GSTA5: variants seen among roughly 807,000 people sequenced by gnomAD.
GSTA5 encodes the protein glutathione S-transferase A5.
GSTA5 carries 25 observed loss-of-function variants against 21.8 expected under a neutral mutation model. The observed-to-expected ratio is 1.14, with a 90% confidence interval of 0.83 to 1.60. The LOEUF is 1.60. GSTA5 is among the 40% of genes most tolerant of loss of function. The pLI, the probability that GSTA5 is intolerant of heterozygous loss-of-function variation, is 0.00. For synonymous variants in GSTA5, 102 were observed against 89.5 expected (o/e 1.14, Z -0.78); for missense variants, 330 against 259.2 (o/e 1.27, Z -1.88).
chr6:52,840,956 T>C, upstream of GSTA5: 1 of 696,438 alleles, frequency 1.4e-6, no homozygotes, highest in South Asian at 2.1e-5. Context: ...ATGACTGGGT[T>C]GAAGGAGTTC....
intron 1 of GSTA5, among the ~76,000 whole-genome samples, chr6:52,839,274 C>G (rs191183985): frequency 2.0e-5 from 3 of 152,204 alleles, no homozygotes; most frequent in Admixed American, 6.5e-5. Flanking sequence ...CGCCTTCAGT[C>G]AGGCTGGATG....
At chr6:52,831,881 A>T in exon 6 of GSTA5, 1 of 1,614,062 alleles carries the variant, frequency 6.2e-7, no homozygotes, top group Non-Finnish European at 8.5e-7. Context: ...CTTCTTCTAA[A>T]GATTTCTCAT....
At chr6:52,836,018 T>C (rs1764287000) in intron 3 of GSTA5, among the ~76,000 whole-genome samples, 1 of 152,224 alleles carries the variant, frequency 6.6e-6, no homozygotes, top group South Asian at 2.1e-4. Flanking sequence ...GCAGGATCCA[T>C]GGACTGCATC....
At chr6:52,841,705 T>G (rs1764379265), upstream of GSTA5, among the ~76,000 whole-genome samples, 1 of 152,250 alleles carries the variant, frequency 6.6e-6, no homozygotes, top group African/African-American at 2.4e-5. Context: ...TCTTCTAAAC[T>G]TCTCTCATTT....
At chr6:52,833,439 G>A (rs1209059093) in intron 4 of GSTA5, among the ~76,000 whole-genome samples, 2 of 152,126 alleles carry the variant, frequency 1.3e-5, no homozygotes, top group African/African-American at 4.8e-5. Flanking sequence ...CTATTTCAGA[G>A]TCCTCATTTG....
exon 6 of GSTA5, chr6:52,831,951 C>T (rs754307601): frequency 6.2e-7 from 1 of 1,613,354 alleles, no homozygotes; most frequent in South Asian, 1.1e-5. Context: ...GGGCAGGTTG[C>T]TGATTCTGGT....
chr6:52,843,265 C>G (rs1305283385), upstream of GSTA5, among the ~76,000 whole-genome samples: 4 of 152,046 alleles, frequency 2.6e-5, no homozygotes, highest in African/African-American at 9.7e-5. Flanking sequence ...GGGTATATAC[C>G]CAGTAATGGG....
intron 4 of GSTA5, among the ~76,000 whole-genome samples, chr6:52,833,287 T>A (rs71548667): frequency 2.0e-5 from 3 of 152,054 alleles, no homozygotes; most frequent in Admixed American, 6.5e-5. Flanking sequence ...AGCACCTGCC[T>A]CCATGTGTTC....
At chr6:52,837,484 T>G in intron 2 of GSTA5, 74 bp downstream of exon 2, 1 of 951,516 alleles carries the variant, frequency 1.1e-6, no homozygotes, top group Non-Finnish European at 1.7e-6. Flanking sequence ...CACATAGGTA[T>G]TCCTGGCTGC....
chr6:52,833,159 C>A (rs568790486), intron 4 of GSTA5, among the ~76,000 whole-genome samples, 169 bp from the exon 5 acceptor site: 4 of 152,184 alleles, frequency 2.6e-5, no homozygotes, highest in Non-Finnish European at 4.4e-5. Flanking sequence ...AGAGTAAGAA[C>A]TATAACTCTG....
intron 4 of GSTA5, among the ~76,000 whole-genome samples, chr6:52,833,570 A>G (rs1764247630): frequency 6.6e-6 from 1 of 152,212 alleles, no homozygotes; most frequent in African/African-American, 2.4e-5. Context: ...GCACTCTGTT[A>G]TAATTTGCAA....
At chr6:52,843,780 A>G (rs1439705751), upstream of GSTA5, among the ~76,000 whole-genome samples, 1 of 152,236 alleles carries the variant, frequency 6.6e-6, no homozygotes, top group Non-Finnish European at 1.5e-5. Context: ...GTTATGGACT[A>G]GAGTTCACAG....
chr6:52,842,759 CT>C (rs936397531), upstream of GSTA5, among the ~76,000 whole-genome samples: 3 of 151,962 alleles, frequency 2.0e-5, no homozygotes, highest in African/African-American at 2.4e-5. Context: ...ACATCAAAAT[CT>C]TTTTTTTATA....
At chr6:52,832,382 T>C (rs943981531) in intron 5 of GSTA5, among the ~76,000 whole-genome samples, 4 of 152,154 alleles carry the variant, frequency 2.6e-5, no homozygotes, top group African/African-American at 9.7e-5. Flanking sequence ...GGACCACCTT[T>C]TCTCAGTGAC....
Position 52,838,269 on chromosome 6 carries a change from A to G in GSTA5, c.88-660T>C, listed in dbSNP as rs568397172. The stretch of plus-strand genomic sequence containing the variant: ...GATGTGGTTTTGTGGGTTCAATATC[A>G]CCATTTTCATGTACTGTCTTCTTGA... On this transcript the variant is annotated intron_variant, in intron 1 of 5. Coordinates refer to ENST00000370989, the Ensembl canonical transcript of GSTA5. Among the ~76,000 whole-genome samples the G allele has an allele frequency of 2.0e-5, 3 of 152,316 alleles. No homozygotes were observed. In the South Asian group the frequency reaches 6.2e-4, roughly 32 times the overall value.
chr6:52,833,017 G>C lies in GSTA5; in HGVS notation c.415-27C>G, dbSNP rs368641375. On this transcript the variant is annotated intron_variant, in intron 4 of 5. Transcript: ENST00000370989. ...TGGAGAATTGGAGGAATCAGATCAG[G>C]AACACATGCACACCCAGGCTGGGAC... 4.4e-5 allele frequency: 71 copies of C among 1,613,554 alleles called. 1 individual carries two copies. Among genetic ancestry groups the C allele is most frequent in the Non-Finnish European group, 5.7e-5 (67 of 1,179,706 alleles).
At chr6:52,835,678 C>T (rs1294162956) in intron 3 of GSTA5, among the ~76,000 whole-genome samples, 2 of 152,216 alleles carry the variant, frequency 1.3e-5, no homozygotes, top group African/African-American at 4.8e-5. Context: ...TTGAATCAAT[C>T]TGGCTGTTTC....
chr6:52,833,019 A>T, intron 4 of GSTA5, 29 bp from the exon 5 acceptor site: 1 of 1,613,488 alleles, frequency 6.2e-7, no homozygotes, highest in Non-Finnish European at 8.5e-7. Context: ...CAGATCAGGA[A>T]CACATGCACA....
At position 52,839,407 on chromosome 6, in the gene GSTA5, G is replaced by C. The variant is rs558036570; in HGVS notation, c.87+1320C>G. Among the ~76,000 whole-genome samples the C allele has an allele frequency of 8.1e-4, 124 of 152,310 alleles. 1 individual carries two copies. Among genetic ancestry groups the C allele is most frequent in the South Asian group, 2.1e-4 (1 of 4,826 alleles). On this transcript the variant is annotated intron_variant, in intron 1 of 5. Coordinates refer to ENST00000370989, the Ensembl canonical transcript of GSTA5. The stretch of plus-strand genomic sequence containing the variant: ...CTGATGTCTGCGTGACAGTGAAACA[G>C]GGTATTCATTTGTACAAAGGAAACA...
Sources: allele counts gnomAD v4.1 joint callset (sites outside exome capture counted in the v4.1 genomes callset), GRCh38; gene constraint gnomAD v4.1.1; transcripts MANE v1.5; gene names NCBI Gene and HGNC (gene_info 2026-07-23, HGNC 2026-07-21).